EPB41L4A: variants seen among roughly 807,000 people sequenced by gnomAD.
EPB41L4A encodes band 4.1-like protein 4A.
A neutral mutation model predicts 108.6 loss-of-function variants in EPB41L4A; 100 were observed. The observed-to-expected ratio is 0.92, with a 90% CI of 0.78 to 1.09. The LOEUF is 1.09. EPB41L4A is among the 50% of genes least tolerant of loss of function. The pLI is 0.00. For synonymous variants in EPB41L4A, 319 were observed against 289.0 expected, an observed-to-expected ratio of 1.10 and a Z score of -1.05; for missense variants, 1,030 against 842.7, an observed-to-expected ratio of 1.22 and a Z score of -2.75.
intron 1 of EPB41L4A, among the ~76,000 whole-genome samples, chr5:112,387,466 A>C (rs536285809): frequency 6.6e-6 from 1 of 152,216 alleles, no homozygotes; most frequent in South Asian, 2.1e-4. Context: ...CTCTACTAAA[A>C]ATACAAAAAA....
chr5:112,403,886 T>C (rs1387936593), intron 1 of EPB41L4A, among the ~76,000 whole-genome samples: 3 of 152,072 alleles, frequency 2.0e-5, no homozygotes, highest in African/African-American at 7.2e-5. Flanking sequence ...CTACTGGAAA[T>C]ACAAAGGAGT....
At chr5:112,334,525 C>G (rs1027236218) in intron 1 of EPB41L4A, among the ~76,000 whole-genome samples, 26 of 152,272 alleles carry the variant, frequency 1.7e-4, no homozygotes, top group African/African-American at 6.3e-4. Flanking sequence ...CCCAGACACT[C>G]CTTTCTATTG....
Position 112,306,777 on chromosome 5 carries a change from T to C in EPB41L4A, c.204+609A>G, listed in dbSNP as rs140585632. ...AATCTTCATCTCCAAAGTTTTTCCA[T>C]TGTGGTGAATTTCTTAGTAACTCTC... is the stretch of plus-strand genomic sequence containing the variant. On this transcript the variant is annotated intron_variant, in intron 2 of 22. Transcript: ENST00000261486. Among the ~76,000 whole-genome samples, 455 of 152,240 alleles carry C rather than the reference T, an allele frequency of 3.0e-3. 2 individuals carry two copies. Among genetic ancestry groups the C allele is most frequent in the African/African-American group, 9.4e-3 (390 of 41,554 alleles).
At chr5:112,153,402 G>A (rs1205023527) in intron 12 of EPB41L4A, among the ~76,000 whole-genome samples, 1 of 151,322 alleles carries the variant, frequency 6.6e-6, no homozygotes, top group Non-Finnish European at 1.5e-5. Context: ...GGTGGCATGC[G>A]CCTATAATTC....
chr5:112,300,999 ATTGT>A (rs2150563980), intron 2 of EPB41L4A, among the ~76,000 whole-genome samples: 1 of 152,008 alleles, frequency 6.6e-6, no homozygotes, highest in African/African-American at 2.4e-5. Context: ...TGAAGTTGTG[ATTGT>A]TTTTTATTTA....
At chr5:112,335,086 T>C (rs766828464) in intron 1 of EPB41L4A, among the ~76,000 whole-genome samples, 1 of 152,168 alleles carries the variant, frequency 6.6e-6, no homozygotes, top group Non-Finnish European at 1.5e-5. Context: ...GAACAAAGCC[T>C]CCTGGCTTTG....
intron 1 of EPB41L4A, among the ~76,000 whole-genome samples, chr5:112,414,474 T>C (rs374584829): frequency 8.5e-5 from 13 of 152,162 alleles, no homozygotes; most frequent in African/African-American, 2.6e-4. Context: ...GTGCCACACA[T>C]CTGGTGAGAG....
intron 1 of EPB41L4A, among the ~76,000 whole-genome samples, chr5:112,348,824 C>G (rs1403342283): frequency 6.6e-6 from 1 of 152,196 alleles, no homozygotes; most frequent in Non-Finnish European, 1.5e-5. Context: ...CAAAATCTCA[C>G]TAGAGCCCAT....
At chr5:112,366,121 G>A (rs929992757) in intron 1 of EPB41L4A, among the ~76,000 whole-genome samples, 20 of 152,060 alleles carry the variant, frequency 1.3e-4, no homozygotes, top group African/African-American at 4.8e-4. Context: ...AGGAGCTAAG[G>A]AGCAAGGCAT....
Position 112,419,221 on chromosome 5 carries a change from C to A in EPB41L4A, c.-182G>T. Reference sequence around the variant, plus strand: ...CCCGGCGGGGCGGGAGCGAGAAAGGCGGAAAAGCCCGGGAGAGTCAGCGCC... The same window carrying A: ...CCCGGCGGGGCGGGAGCGAGAAAGGAGGAAAAGCCCGGGAGAGTCAGCGCC... On this transcript the variant is annotated 5_prime_UTR_variant, in exon 1 of 23. Coordinates refer to ENST00000261486, the MANE Select transcript of EPB41L4A (RefSeq NM_022140.5). The A allele has an allele frequency of 4.2e-6, 2 of 473,404 alleles. No homozygotes were observed. Among genetic ancestry groups the A allele is most frequent in the South Asian group, 2.9e-5 (1 of 34,894 alleles). 29.3% of individuals were successfully genotyped at this position (473,404 alleles called of 1,614,324 possible). A position where few individuals can be genotyped will look rare whatever the true frequency, so the allele number is the denominator to read the frequency against.
At chr5:112,408,448 A>C (rs985038908) in intron 1 of EPB41L4A, among the ~76,000 whole-genome samples, 9 of 152,168 alleles carry the variant, frequency 5.9e-5, no homozygotes, top group Admixed American at 2.0e-4. Flanking sequence ...TTTGCAAATT[A>C]AACATCTGAT....
chr5:112,250,900 A>T (rs1750613454), intron 9 of EPB41L4A: 1 of 152,214 alleles, frequency 6.6e-6, no homozygotes, highest in African/African-American at 2.4e-5. Flanking sequence ...AGGTGCTTGT[A>T]ACCTCACAGC....
chr5:112,153,574 T>TAG (rs1316778365), intron 12 of EPB41L4A, among the ~76,000 whole-genome samples: 1 of 148,134 alleles, frequency 6.8e-6, no homozygotes, highest in African/African-American at 2.5e-5. Flanking sequence ...TACATATATA[T>TAG]ATAGAGAGAG....
At chr5:112,184,980 C>T (rs1328653352) in intron 17 of EPB41L4A, among the ~76,000 whole-genome samples, 1 of 152,148 alleles carries the variant, frequency 6.6e-6, no homozygotes, top group East Asian at 1.9e-4. Context: ...AAATTTTGGA[C>T]TTCCGAGGTA....
intron 1 of EPB41L4A, among the ~76,000 whole-genome samples, chr5:112,313,988 G>A (rs569397675): frequency 2.7e-5 from 4 of 145,888 alleles, no homozygotes; most frequent in South Asian, 4.4e-4. Flanking sequence ...CTCAGCCTCC[G>A]AAGTAGCTGG....
At chr5:112,157,177 G>T (rs1371443416) in intron 12 of EPB41L4A, among the ~76,000 whole-genome samples, 1 of 151,858 alleles carries the variant, frequency 6.6e-6, no homozygotes, top group Non-Finnish European at 1.5e-5. Context: ...GATCTATGAT[G>T]ATGGTGGCAT....
chr5:112,222,573 T>C (rs1748142918), intron 12 of EPB41L4A, among the ~76,000 whole-genome samples: 1 of 152,230 alleles, frequency 6.6e-6, no homozygotes, highest in Admixed American at 6.5e-5. Context: ...TCATAGCTAC[T>C]AAGCCTCCCT....
intron 12 of EPB41L4A, among the ~76,000 whole-genome samples, chr5:112,231,499 C>T (rs887575936): frequency 6.6e-6 from 1 of 152,064 alleles, no homozygotes; most frequent in African/African-American, 2.4e-5. Flanking sequence ...TAAAAAGATC[C>T]ACCTGGCCGG....
In EPB41L4A at chr5:112,164,858, G is replaced by T. The variant is rs1294728458; in HGVS notation, c.*132C>A. 68 of 846,934 alleles carry T rather than the reference G, an allele frequency of 8.0e-5. No homozygotes were observed. The highest frequency in any genetic ancestry group is 1.1e-4 in the Non-Finnish European group (62 of 588,760). The allele number at this position is 846,934 out of a possible 1,614,324, so 52.5% of individuals were successfully genotyped here. The stretch of plus-strand genomic sequence containing the variant: ...AAAAAAAAAAAAAAAAGAAGCAAAA[G>T]ATAATGTATTTTCTCATGCTGAAGA... On this transcript the variant is annotated 3_prime_UTR_variant, in exon 23 of 23. Transcript: ENST00000261486.
Sources: gnomAD v4.1 joint callset for allele counts (sites outside exome capture counted in the v4.1 genomes callset) on GRCh38, gnomAD v4.1.1 for gene constraint, MANE v1.5 for transcripts, NCBI Gene and HGNC (gene_info 2026-07-23, HGNC 2026-07-21) for gene names.